Variants in RANBP17 observed in about 807,000 individuals in gnomAD.
RANBP17 encodes the protein ran-binding protein 17.
In RANBP17, 158 loss-of-function variants were observed where a neutral mutation model predicts 141.2. That is an observed-to-expected ratio of 1.12 (90% CI 0.98 to 1.28). The LOEUF is 1.28. RANBP17 is among the 50% of genes most tolerant of loss of function. The probability of loss-of-function intolerance (pLI) is 0.00; values close to 1 mark genes in which losing one functional copy is unlikely to be tolerated. For missense variants in RANBP17, 1,438 were observed against 1,290.7 expected, an observed-to-expected ratio of 1.11 and a Z score of -1.75; for synonymous variants, 430 against 450.0, an observed-to-expected ratio of 0.96 and a Z score of 0.56.
At chr5:171,112,418 CCAAA>C (rs1314197603) in intron 14 of RANBP17, among the ~76,000 whole-genome samples, 1 of 151,164 alleles carries the variant, frequency 6.6e-6, no homozygotes, top group Non-Finnish European at 1.5e-5. Context: ...CATATTGTGT[CCAAA>C]CAAACAAAAA....
At chr5:171,053,904 T>C (rs1783148662) in intron 14 of RANBP17, among the ~76,000 whole-genome samples, 1 of 137,710 alleles carries the variant, frequency 7.3e-6, no homozygotes, top group Non-Finnish European at 1.6e-5. Flanking sequence ...TATATATATA[T>C]ATATATATAT....
intron 14 of RANBP17, among the ~76,000 whole-genome samples, chr5:171,035,867 A>G (rs1367097580): frequency 6.6e-6 from 1 of 151,054 alleles, no homozygotes; most frequent in East Asian, 1.9e-4. Context: ...ACCAAGGTAG[A>G]GAGCATAGTA....
At chr5:171,224,594 A>G (rs975184185) in intron 22 of RANBP17, among the ~76,000 whole-genome samples, 1 of 152,220 alleles carries the variant, frequency 6.6e-6, no homozygotes, top group African/African-American at 2.4e-5. Flanking sequence ...GCAAAAGTTG[A>G]GAAAAATAAC....
chr5:171,217,877 T>C (rs753440599), intron 21 of RANBP17, among the ~76,000 whole-genome samples: 63 of 152,120 alleles, frequency 4.1e-4, no homozygotes, highest in Admixed American at 9.8e-4. Flanking sequence ...AAAGGGTTTT[T>C]CATGTATCTC....
chr5:171,260,342 CACCTGTGGTGGCGG>C, intron 24 of RANBP17, among the ~76,000 whole-genome samples: 1 of 148,218 alleles, frequency 6.7e-6, no homozygotes, highest in South Asian at 2.2e-4. Context: ...GTGGCACACA[CACCTGTGGTGGCGG>C]CTACTCAGGA....
intron 5 of RANBP17, chr5:170,897,156 A>C: frequency 1.2e-6 from 1 of 818,442 alleles, no homozygotes; most frequent in Middle Eastern, 2.4e-4. Context: ...TTTGATACCA[A>C]ACAGCTCATC....
At chr5:171,092,088 A>G (rs1190139626) in intron 14 of RANBP17, among the ~76,000 whole-genome samples, 2 of 152,318 alleles carry the variant, frequency 1.3e-5, no homozygotes, top group South Asian at 4.1e-4. Context: ...TGATGAAGTG[A>G]TCTTTAATGG....
chr5:171,098,553 A>G (rs1028417917), intron 14 of RANBP17, among the ~76,000 whole-genome samples: 1 of 151,916 alleles, frequency 6.6e-6, no homozygotes, highest in African/African-American at 2.4e-5. Flanking sequence ...TGTCAGATGG[A>G]TAGATTGCAA....
At chr5:171,059,717 T>C (rs1783676250) in intron 14 of RANBP17, among the ~76,000 whole-genome samples, 1 of 143,692 alleles carries the variant, frequency 7.0e-6, no homozygotes, top group Non-Finnish European at 1.5e-5. Flanking sequence ...ATTGGTAGCT[T>C]GATGGGGATG....
At chr5:171,297,511 G>A (rs950665121) in intron 27 of RANBP17, among the ~76,000 whole-genome samples, 4 of 152,204 alleles carry the variant, frequency 2.6e-5, no homozygotes, top group African/African-American at 7.2e-5. Context: ...ACCAGCCTGG[G>A]CTTTGGTAAT....
Position 171,299,171 on chromosome 5 carries a change from T to C in RANBP17, c.*313T>C, listed in dbSNP as rs1004687451. The C allele has an allele frequency of 3.4e-6, 1 of 293,184 alleles. No homozygotes were observed. Among genetic ancestry groups the C allele is most frequent in the Non-Finnish European group, 6.5e-6 (1 of 154,418 alleles). 18.2% of individuals were successfully genotyped at this position (293,184 alleles called of 1,614,324 possible). ...ACCAAAGAACGTAATAAACCAGGTT[T>C]GCACCTAAGTGTGTACTAGTTTATG... is the stretch of plus-strand genomic sequence containing the variant. On this transcript the variant is annotated 3_prime_UTR_variant, in exon 28 of 28. Coordinates refer to ENST00000523189, the MANE Select transcript of RANBP17 (RefSeq NM_022897.5).
intron 14 of RANBP17, among the ~76,000 whole-genome samples, chr5:171,041,998 G>A (rs763592772): frequency 1.5e-4 from 23 of 152,014 alleles, no homozygotes; most frequent in African/African-American, 3.9e-4. Flanking sequence ...GTGGTGTTTA[G>A]TCTTCTGTAC....
At chr5:170,871,002 G>C (rs1041581811) in intron 1 of RANBP17, among the ~76,000 whole-genome samples, 2 of 151,900 alleles carry the variant, frequency 1.3e-5, no homozygotes, top group African/African-American at 4.8e-5. Flanking sequence ...TGTGTTTCTT[G>C]GCCACATAAA....
chr5:171,202,946 G>T (rs947926358), intron 19 of RANBP17, among the ~76,000 whole-genome samples: 1 of 152,222 alleles, frequency 6.6e-6, no homozygotes, highest in African/African-American at 2.4e-5. Flanking sequence ...CTGTTTTGGG[G>T]GTCAGGGTGG....
At chr5:171,111,991 G>A (rs1488749478) in intron 14 of RANBP17, among the ~76,000 whole-genome samples, 1 of 152,128 alleles carries the variant, frequency 6.6e-6, no homozygotes, top group African/African-American at 2.4e-5. Context: ...CAAATTACAG[G>A]TGATGGGTAA....
At chr5:170,961,303 T>G (rs991004176) in intron 13 of RANBP17, among the ~76,000 whole-genome samples, 11 of 152,218 alleles carry the variant, frequency 7.2e-5, no homozygotes, top group Non-Finnish European at 1.5e-5. Flanking sequence ...GTTGACTGAA[T>G]AAATGCTTAT....
chr5:171,083,592 C>G (rs541031830), intron 14 of RANBP17, among the ~76,000 whole-genome samples: 1 of 152,234 alleles, frequency 6.6e-6, no homozygotes, highest in Non-Finnish European at 1.5e-5. Flanking sequence ...TCTGTTCAGT[C>G]AAGGATGGAA....
At chr5:171,254,452 A>C (rs1396185406) in intron 24 of RANBP17, among the ~76,000 whole-genome samples, 1 of 152,156 alleles carries the variant, frequency 6.6e-6, no homozygotes, top group East Asian at 1.9e-4. Flanking sequence ...TCATAACCCT[A>C]GCAGCCTGGA....
chr5:171,071,489 C>T (rs1784629847), intron 14 of RANBP17, among the ~76,000 whole-genome samples: 1 of 151,744 alleles, frequency 6.6e-6, no homozygotes, highest in African/African-American at 2.4e-5. Context: ...CAGTGGGGTC[C>T]TGGCCAAAGG....
Sources: allele counts gnomAD v4.1 joint callset (sites outside exome capture counted in the v4.1 genomes callset), GRCh38; gene constraint gnomAD v4.1.1; transcripts MANE v1.5; gene names NCBI Gene and HGNC (gene_info 2026-07-23, HGNC 2026-07-21).